Variants in EMB observed in about 807,000 individuals in gnomAD.
EMB encodes embigin homolog.
In EMB, 31 loss-of-function variants were observed where a neutral mutation model predicts 41.4. The ratio of observed to expected loss-of-function variants is 0.75; its 90% CI spans 0.56 to 1.01. The LOEUF (loss-of-function observed/expected upper bound fraction) is 1.01, where lower values mean the gene tolerates loss of function less well. EMB is among the 50% of genes least tolerant of loss of function. EMB has a pLI of 0.00. For synonymous variants in EMB, 137 were observed against 140.4 expected, an observed-to-expected ratio of 0.98 and a Z score of 0.17; for missense variants, 379 against 388.3, an observed-to-expected ratio of 0.98 and a Z score of 0.20.
chr5:50,401,522 C>A (rs1314445063), intron 7 of EMB, among the ~76,000 whole-genome samples: 1 of 151,964 alleles, frequency 6.6e-6, no homozygotes, highest in East Asian at 1.9e-4. Flanking sequence ...CTCTATTGTT[C>A]AGGCTTTAAT....
At chr5:50,414,578 T>A (rs1415243329) in intron 2 of EMB, among the ~76,000 whole-genome samples, 1 of 151,426 alleles carries the variant, frequency 6.6e-6, no homozygotes, top group African/African-American at 2.4e-5. Context: ...TTAATTACAT[T>A]TGAAACTTTA....
intron 6 of EMB, among the ~76,000 whole-genome samples, chr5:50,402,840 C>T (rs1479157060): frequency 9.3e-6 from 1 of 108,018 alleles, no homozygotes; most frequent in Non-Finnish European, 1.7e-5. Context: ...TGCCAGAATA[C>T]ATATCACCTA....
At chr5:50,440,959 C>A in intron 1 of EMB, 81 bp downstream of exon 1, 3 of 1,054,186 alleles carry the variant, frequency 2.8e-6, no homozygotes, top group Non-Finnish European at 2.5e-6. Context: ...GCCCGGCGCG[C>A]CGGCGATGCC....
rs568554726 is a variant in EMB at position 50,417,337 on chromosome 5, T to C, written c.197-5954A>G. Among the ~76,000 whole-genome samples, 65 of 152,346 alleles carry C rather than the reference T, an allele frequency of 4.3e-4. 1 individual carries two copies. The highest frequency in any genetic ancestry group is 1.5e-3 in the African/African-American group (61 of 41,586). Reference sequence around the variant, plus strand: ...GTCTTAAACATATGGAGTTAACTTATGAATAAGAATAAAATTCTCAAAGTT... The same window carrying C: ...GTCTTAAACATATGGAGTTAACTTACGAATAAGAATAAAATTCTCAAAGTT... On this transcript the variant is annotated intron_variant, in intron 2 of 8. Transcript: ENST00000303221.
chr5:50,413,388 G>T (rs543507154), intron 2 of EMB, among the ~76,000 whole-genome samples: 32 of 152,172 alleles, frequency 2.1e-4, no homozygotes, highest in Non-Finnish European at 2.5e-4. Flanking sequence ...CACTACCTAG[G>T]ATATAGTCTT....
intron 6 of EMB, among the ~76,000 whole-genome samples, chr5:50,402,702 GT>G (rs1208471154): frequency 6.6e-6 from 1 of 151,752 alleles, no homozygotes; most frequent in Non-Finnish European, 1.5e-5. Context: ...TGACAGGATG[GT>G]CTCTCTTTAA....
chr5:50,422,973 G>C (rs1362892862), intron 2 of EMB, among the ~76,000 whole-genome samples: 1 of 151,942 alleles, frequency 6.6e-6, no homozygotes, highest in Non-Finnish European at 1.5e-5. Context: ...TCACAATTAT[G>C]CCCAGAGAGA....
At chr5:50,428,980 C>T (rs1464874451) in intron 1 of EMB, among the ~76,000 whole-genome samples, 2 of 152,150 alleles carry the variant, frequency 1.3e-5, no homozygotes, top group Admixed American at 6.5e-5. Flanking sequence ...TCTGCAACCT[C>T]AGCCTCCCCG....
intron 2 of EMB, chr5:50,411,822 TAG>T (rs1745343217): frequency 6.6e-6 from 1 of 152,386 alleles, no homozygotes; most frequent in African/African-American, 2.4e-5. Flanking sequence ...TAATAACTAC[TAG>T]AGAATGTTTT....
intron 1 of EMB, among the ~76,000 whole-genome samples, chr5:50,429,968 T>TCTCTC (rs1745686572): frequency 4.8e-5 from 3 of 62,144 alleles, no homozygotes; most frequent in African/African-American, 1.3e-4. Context: ...CCAACTCTCT[T>TCTCTC]TCTCTCTCTC....
At chr5:50,429,152 C>G (rs1434909854) in intron 1 of EMB, among the ~76,000 whole-genome samples, 1 of 152,188 alleles carries the variant, frequency 6.6e-6, no homozygotes, top group Non-Finnish European at 1.5e-5. Flanking sequence ...CCTCGGCCTC[C>G]CGAAGTACTG....
rs1745198618 is a variant in EMB, at chr5:50,403,397, T to C, written c.658A>G (p.Thr220Ala). ...AAAAGTTGTGTTATCTTCAGCTTTG[T>C]TTCGTTAGCATATGTTCCATTGATC... Reference protein sequence around the residue: ...YVINGTYANETKLKITQLLEE... With the variant: ...YVINGTYANEAKLKITQLLEE... Residue 220 changes from threonine (T) to alanine (A), a missense_variant, in exon 6 of 9, where the codon ACA becomes GCA. Thr to Ala is a moderately conservative substitution (Grantham distance 58). Coordinates refer to ENST00000303221, the MANE Select transcript of EMB (RefSeq NM_198449.3). The C allele has an allele frequency of 6.2e-7, 1 of 1,612,528 alleles. No individual in the cohort carries two copies. The highest frequency in any genetic ancestry group is 1.3e-5 in the African/African-American group (1 of 74,806).
intron 7 of EMB, among the ~76,000 whole-genome samples, chr5:50,401,844 A>G (rs1321393642): frequency 6.6e-6 from 1 of 151,982 alleles, no homozygotes; most frequent in African/African-American, 2.4e-5. Flanking sequence ...CAGGAGATTC[A>G]GCAAGGTCTG....
At chr5:50,430,589 TG>T (rs34086331) in intron 1 of EMB, among the ~76,000 whole-genome samples, 59,764 of 151,688 alleles carry the variant, frequency 0.39, 12,282 homozygotes, top group African/African-American at 0.51. Context: ...AGTAGGGGTT[TG>T]GGTCCATAAT....
intron 2 of EMB, among the ~76,000 whole-genome samples, chr5:50,417,183 A>C (rs1745443265): frequency 6.6e-6 from 1 of 152,198 alleles, no homozygotes; most frequent in African/African-American, 2.4e-5. Flanking sequence ...ATAAAGCTTC[A>C]TGATGCAACC....
chr5:50,424,281 T>C (rs1745574899), intron 2 of EMB, among the ~76,000 whole-genome samples: 1 of 152,232 alleles, frequency 6.6e-6, no homozygotes, highest in Admixed American at 6.5e-5. Context: ...TAATTTACTC[T>C]AATGCTGAAA....
chr5:50,405,950 ATTATT>A (rs1175938735), intron 4 of EMB, 98 bp from the exon 5 acceptor site: 5 of 1,439,668 alleles, frequency 3.5e-6, no homozygotes, highest in Middle Eastern at 1.9e-4. Flanking sequence ...TTTTCATTAC[ATTATT>A]TTAAGTACTT....
chr5:50,411,529 T>C (rs1579726438), intron 2 of EMB, 146 bp from the exon 3 acceptor site: 2 of 592,656 alleles, frequency 3.4e-6, no homozygotes, highest in East Asian at 6.0e-5. Context: ...ATCAACATAG[T>C]TGGTTCCCTT....
intron 6 of EMB, among the ~76,000 whole-genome samples, chr5:50,402,716 A>T (rs1199502020): frequency 6.6e-6 from 1 of 151,920 alleles, no homozygotes; most frequent in Non-Finnish European, 1.5e-5. Flanking sequence ...CTCTTTAATG[A>T]GAACTCTGGA....
Sources: allele counts gnomAD v4.1 joint callset (sites outside exome capture counted in the v4.1 genomes callset), GRCh38; gene constraint gnomAD v4.1.1; transcripts MANE v1.5; gene names NCBI Gene and HGNC (gene_info 2026-07-23, HGNC 2026-07-21).